The following KCNK16 variants were observed in gnomAD, a reference collection of about 807,000 sequenced individuals.
The protein encoded by KCNK16 is potassium channel subfamily K member 16.
Under a neutral mutation model 23.0 loss-of-function variants are expected in KCNK16, and 23 were observed. The ratio of observed to expected loss-of-function variants is 1.00; its 90% CI spans 0.72 to 1.41. The LOEUF (loss-of-function observed/expected upper bound fraction) is 1.41, where lower values mean the gene tolerates loss of function less well. Ranked by LOEUF, KCNK16 falls within the 40% of genes most tolerant of loss-of-function variation. The pLI is 0.00. For missense variants in KCNK16, 327 were observed against 365.8 expected (o/e 0.89, Z 0.87); for synonymous variants, 145 against 153.5 (o/e 0.94, Z 0.41).
chr6:39,315,420 T>G (rs867155598), downstream of KCNK16: 31 of 1,550,444 alleles, frequency 2.0e-5, no homozygotes, highest in Middle Eastern at 3.3e-4. Context: ...GTGATGAAGT[T>G]AAGGGGGTGG....
At chr6:39,315,496 T>A, downstream of KCNK16, 1 of 1,422,378 alleles carries the variant, frequency 7.0e-7, no homozygotes. Flanking sequence ...TCCTAAGCTT[T>A]GTTCACAGAC....
chr6:39,319,781 T>A lies in KCNK16; in HGVS notation c.214-648A>T. Among the ~76,000 whole-genome samples, 1 of 143,864 alleles carries A rather than the reference T, an allele frequency of 7.0e-6. No homozygotes were observed. Among genetic ancestry groups the A allele is most frequent in the East Asian group, 2.2e-4 (1 of 4,538 alleles). The allele number at this position is 143,864 out of a possible 152,430, so 94.4% of individuals were successfully genotyped here. ...TGTGTGTGTGTGTGTGTGTGGTGGT[T>A]GTTTATATGTGATGTGTTGTATGCA... On this transcript the variant is annotated intron_variant, in intron 1 of 4. Transcript: ENST00000437525. This position sits in a 1 kb window ranked among gnomAD's most constrained non-coding sequence, Gnocchi z 4.2.
chr6:39,315,228 A>G (rs1440023149), downstream of KCNK16: 1 of 1,613,198 alleles, frequency 6.2e-7, no homozygotes, highest in East Asian at 2.2e-5. Flanking sequence ...AGTGGTCTAA[A>G]TCTCTCCTGG....
In KCNK16 at chr6:39,316,844, C is replaced by A; in HGVS notation, c.599G>T (p.Ser200Ile). ...VFSHVEGWSF[S>I]EGFYFAFITL... ...GATGAAAGCAAAGTAGAAGCCCTCG[C>A]TGAAGCTCCAGCCCTCCACATGGCT... Residue 200 changes from serine to isoleucine, a missense_variant, in exon 4 of 5, where the codon AGC (serine) becomes ATC (isoleucine). Transcript: ENST00000437525. 1 of 1,614,182 alleles carries A rather than the reference C, an allele frequency of 6.2e-7. No individual in the cohort carries two copies. The highest frequency in any genetic ancestry group is 8.5e-7 in the Non-Finnish European group (1 of 1,180,032).
At chr6:39,315,605 C>T (rs1163631687), downstream of KCNK16, among the ~76,000 whole-genome samples, 1 of 152,176 alleles carries the variant, frequency 6.6e-6, no homozygotes, top group Non-Finnish European at 1.5e-5. Context: ...CCTCTTTTCA[C>T]TAAGATTGTT....
intron 1 of KCNK16, among the ~76,000 whole-genome samples, chr6:39,321,695 C>T (rs1762520650): frequency 1.3e-5 from 2 of 152,348 alleles, no homozygotes; most frequent in Admixed American, 1.3e-4. Flanking sequence ...CCAGAAAGGA[C>T]CCAGGCAGGG....
intron 1 of KCNK16, among the ~76,000 whole-genome samples, chr6:39,320,758 G>A (rs4714237): frequency 0.4 from 60,822 of 151,948 alleles, 12,394 homozygotes; most frequent in Admixed American, 0.47. Context: ...GCCTCCTTTC[G>A]TCTTGGTTAG....
At chr6:39,314,935 A>T, downstream of KCNK16, 1 of 1,460,448 alleles carries the variant, frequency 6.8e-7, no homozygotes, top group Non-Finnish European at 9.2e-7. Flanking sequence ...GCTTCTGAGA[A>T]GGCCCCCGAA....
chr6:39,317,963 AG>A lies in KCNK16; in HGVS notation c.329-12del, dbSNP rs753066441. 1.3e-6 allele frequency: 2 copies of A among 1,592,796 alleles called. No homozygotes were observed. The highest frequency in any genetic ancestry group is 1.3e-5 in the African/African-American group (1 of 74,336). On this transcript the variant is annotated splice_polypyrimidine_tract_variant and intron_variant, in intron 2 of 4. Transcript: ENST00000437525. ...CCAGGTTCCCATATCCTGCAAGGGAAGGGGGGCGTGTGCAAATATGGAGACT... is the reference window on the plus strand; with the variant it reads ...CCAGGTTCCCATATCCTGCAAGGGAAGGGGGCGTGTGCAAATATGGAGACT...
upstream of KCNK16, chr6:39,322,885 G>T (rs1183730499): frequency 3.2e-5 from 9 of 277,030 alleles, no homozygotes; most frequent in East Asian, 5.2e-4. Flanking sequence ...ATGTTTCTGG[G>T]CTAAATCGGA....
At chr6:39,314,933 G>T, downstream of KCNK16, 1 of 1,458,380 alleles carries the variant, frequency 6.9e-7, no homozygotes, top group Non-Finnish European at 9.3e-7. Flanking sequence ...TTGCTTCTGA[G>T]AAGGCCCCCG....
intron 3 of KCNK16, among the ~76,000 whole-genome samples, 160 bp from the exon 4 acceptor site, chr6:39,317,107 A>G (rs1478401573): frequency 6.6e-6 from 1 of 152,204 alleles, no homozygotes; most frequent in African/African-American, 2.4e-5. Flanking sequence ...CTATGTGTGC[A>G]TGACCTTGTC....
downstream of KCNK16, among the ~76,000 whole-genome samples, chr6:39,315,864 A>G (rs1535498): frequency 0.019 from 2,927 of 152,276 alleles, 80 homozygotes; most frequent in African/African-American, 0.061. Context: ...CACTGTGCAC[A>G]TATCAAATGA....
chr6:39,322,774 T>C, upstream of KCNK16: 1 of 568,718 alleles, frequency 1.8e-6, no homozygotes, highest in Non-Finnish European at 3.0e-6. Flanking sequence ...CGGCCTTTGT[T>C]TCCATGGACA....
chr6:39,322,531 C>T lies in KCNK16; in HGVS notation c.10G>A (p.Ala4Thr). The change falls in exon 1 of 5, where the codon GCT becomes ACT. Residue 4 changes from alanine (A) to threonine (T), a missense_variant. By Grantham distance (58) the Ala-to-Thr change is moderately conservative (BLOSUM62 0). Coordinates refer to ENST00000437525, the MANE Select transcript of KCNK16 (RefSeq NM_001135106.2). ...CCACCCCAGCAGCTGCAGAGCCCAG[C>T]ACTGGGCATGCTGTGGCCAGGACCC... MPS[A>T]GLCSCWGGRV... 1.2e-6 allele frequency: 2 copies of T among 1,600,110 alleles called. No homozygotes were observed. The highest frequency in any genetic ancestry group is 1.7e-6 in the Non-Finnish European group (2 of 1,175,706).
upstream of KCNK16, chr6:39,322,933 C>T (rs3807044): frequency 0.36 from 66,646 of 185,532 alleles, 12,447 homozygotes; most frequent in Middle Eastern, 0.44. Context: ...AGTGGGCTCT[C>T]TCGGCCGCCC....
chr6:39,321,204 C>T (rs899706620), intron 1 of KCNK16, among the ~76,000 whole-genome samples: 1 of 152,110 alleles, frequency 6.6e-6, no homozygotes, highest in Non-Finnish European at 1.5e-5. Flanking sequence ...CTAACAGGCT[C>T]CCAGGTGATG....
Position 39,319,746 on chromosome 6 carries a change from A to AGAGTGT in KCNK16, c.214-614_214-613insACACTC, listed in dbSNP as rs1554193049. ...GGCCAAGACAAAGGTGGCACGTGTG[A>AGAGTGT]GTGTGTGTGTGTGTGTGTGTGTGTG... On this transcript the variant is annotated intron_variant, in intron 1 of 4. Coordinates refer to ENST00000437525, the MANE Select transcript of KCNK16 (RefSeq NM_001135106.2). This position sits in a 1 kb window ranked among gnomAD's most constrained non-coding sequence, Gnocchi z 4.2. 1.3e-5 allele frequency among the ~76,000 whole-genome samples: 2 copies of AGAGTGT among 148,276 alleles called. No individual in the cohort carries two copies. Among genetic ancestry groups the AGAGTGT allele is most frequent in the Non-Finnish European group, 3.0e-5 (2 of 66,656 alleles).
downstream of KCNK16, chr6:39,315,528 G>A (rs1485608050): frequency 8.5e-7 from 1 of 1,176,558 alleles, no homozygotes; most frequent in East Asian, 2.6e-5. Context: ...TCTAGGCAAG[G>A]GGAGCTGGCG....
Sources: allele counts gnomAD v4.1 joint callset (sites outside exome capture counted in the v4.1 genomes callset), GRCh38; gene constraint gnomAD v4.1.1; non-coding constraint Gnocchi (gnomAD v3.1); transcripts MANE v1.5; gene names NCBI Gene and HGNC (gene_info 2026-07-23, HGNC 2026-07-21).